CPAMD8: variants seen among roughly 807,000 people sequenced by gnomAD.
CPAMD8 encodes C3 and PZP-like alpha-2-macroglobulin domain-containing protein 8.
CPAMD8 carries 146 observed loss-of-function variants against 224.7 expected under a neutral mutation model. That is an observed-to-expected ratio of 0.65 (90% CI 0.57 to 0.75). The LOEUF (loss-of-function observed/expected upper bound fraction) is 0.75. CPAMD8 is among the 30% of genes least tolerant of loss of function. The pLI is 0.00. For missense variants in CPAMD8, 2,301 were observed against 2,537.5 expected, an observed-to-expected ratio of 0.91 and a Z score of 2.00; for synonymous variants, 966 against 1,044.6, an observed-to-expected ratio of 0.92 and a Z score of 1.45.
At chr19:16,916,000 CCT>C (rs370440791) in intron 27 of CPAMD8, among the ~76,000 whole-genome samples, 36 of 146,476 alleles carry the variant, frequency 2.5e-4, no homozygotes, top group Non-Finnish European at 2.9e-4. Flanking sequence ...TCCCTCCCTT[CCT>C]CTCTCTCTCT....
At chr19:16,967,632 C>G (rs2054873416) in intron 18 of CPAMD8, among the ~76,000 whole-genome samples, 1 of 151,618 alleles carries the variant, frequency 6.6e-6, no homozygotes, top group Non-Finnish European at 1.5e-5. Flanking sequence ...TGGTGAAACC[C>G]CGTCTCTACT....
intron 10 of CPAMD8, among the ~76,000 whole-genome samples, chr19:16,999,090 T>G (rs1168523231): frequency 6.6e-6 from 1 of 152,114 alleles, no homozygotes; most frequent in East Asian, 1.9e-4. Flanking sequence ...AAAGGACATA[T>G]AGCATATGAT....
rs1568447001 is a variant in CPAMD8, at chr19:16,897,983, C to T, written c.4860G>A (p.Arg1620=). 6.2e-7 allele frequency: 1 copy of T among 1,610,290 alleles called. No homozygotes were observed. ...VLFYFDEIPS[R]CLTCVRFRAL... ...CACGGAACCGCACGCACGTCAGGCA[C>T]CGGCTGGGGATCTGTGGGGCAGCGG... The change falls in exon 38 of 42, where the codon CGG becomes CGA. Residue 1620 remains arginine (R), a synonymous_variant. Coordinates refer to ENST00000443236, the MANE Select transcript of CPAMD8 (RefSeq NM_015692.5).
intron 1 of CPAMD8, among the ~76,000 whole-genome samples, chr19:17,024,833 T>TA (rs1233158368): frequency 6.6e-6 from 1 of 152,210 alleles, no homozygotes; most frequent in Non-Finnish European, 1.5e-5. Flanking sequence ...GAATTGCTCT[T>TA]ACAACTGCAA....
In CPAMD8 at chr19:17,008,488, C is replaced by G. The variant is rs1174069385; in HGVS notation, c.559+17G>C. ...TATCACATCTGCAGCCCCCAAGCCG[C>G]AGAGGAAGAAACTTACCGCAGCAGA... On this transcript the variant is annotated intron_variant, in intron 7 of 41. Transcript: ENST00000443236. 6.2e-7 allele frequency: 1 copy of G among 1,612,242 alleles called. No homozygotes were observed. The highest frequency in any genetic ancestry group is 8.5e-7 in the Non-Finnish European group (1 of 1,179,958).
Position 16,896,267 on chromosome 19 carries a change from G to C in CPAMD8, c.5335C>G (p.Pro1779Ala). The C allele has an allele frequency of 2.5e-6, 4 of 1,613,448 alleles. No homozygotes were observed. Among genetic ancestry groups the C allele is most frequent in the Non-Finnish European group, 3.4e-6 (4 of 1,179,986 alleles). Residue 1779 changes from proline to alanine, a missense_variant, in exon 41 of 42, where the codon CCG becomes GCG. Physicochemically the swap from Pro to Ala is conservative, Grantham distance 27. Around this residue, in one of 4 missense-constraint regions of CPAMD8, gnomAD observed 1,709 missense variants for 1,753.2 expected, o/e 0.97. Coordinates refer to ENST00000443236, the MANE Select transcript of CPAMD8 (RefSeq NM_015692.5). ...TYGDDLASVA[P>A]GPLQQDVKLN... ...TTCACGTCCTGCTGTAAAGGCCCCG[G>C]GGCCACAGAAGCCAGGTCATCCCCG...
chr19:16,921,562 T>C (rs2053175436), intron 27 of CPAMD8, among the ~76,000 whole-genome samples: 1 of 152,034 alleles, frequency 6.6e-6, no homozygotes. Flanking sequence ...TGCCCTGCCA[T>C]CTCCTCCTGC....
intron 7 of CPAMD8, among the ~76,000 whole-genome samples, chr19:17,007,360 A>AAAAGGAGAAGGAGGAAGAAGAAG (rs2056520434): frequency 6.6e-6 from 1 of 151,824 alleles, no homozygotes; most frequent in Non-Finnish European, 1.5e-5. Flanking sequence ...GAAGAAAAGA[A>AAAAGGAGAAGGAGGAAGAAGAAG]AAAGGAGAAG....
At chr19:16,975,979 C>T in intron 16 of CPAMD8, 23 bp downstream of exon 16, 1 of 1,545,944 alleles carries the variant, frequency 6.5e-7, no homozygotes, top group South Asian at 1.2e-5. Flanking sequence ...GGTCTAGAAC[C>T]CAAGCCCGAG....
chr19:17,026,294 C>CA (rs573330494), intron 1 of CPAMD8, among the ~76,000 whole-genome samples: 192 of 152,344 alleles, frequency 1.3e-3, no homozygotes, highest in Non-Finnish European at 2.3e-3. Flanking sequence ...CAGCCCGGGT[C>CA]ACACGAAGGG....
At chr19:16,962,307 G>A (rs534454644) in intron 18 of CPAMD8, among the ~76,000 whole-genome samples, 4 of 152,272 alleles carry the variant, frequency 2.6e-5, no homozygotes, top group East Asian at 3.9e-4. Flanking sequence ...AAGGTTAGAC[G>A]AATGGCTAAC....
chr19:16,974,284 T>C (rs2055176102), intron 17 of CPAMD8, among the ~76,000 whole-genome samples: 1 of 151,888 alleles, frequency 6.6e-6, no homozygotes, highest in Non-Finnish European at 1.5e-5. Context: ...GGCGCCCCCT[T>C]AGCCCTTTTT....
At chr19:16,929,909 T>C (rs2053495584) in intron 23 of CPAMD8, among the ~76,000 whole-genome samples, 1 of 152,060 alleles carries the variant, frequency 6.6e-6, no homozygotes, top group South Asian at 2.1e-4. Context: ...CCAGTCAAAA[T>C]CCCAGGAGGC....
At chr19:16,962,705 T>A (rs2054697268) in intron 18 of CPAMD8, among the ~76,000 whole-genome samples, 1 of 152,048 alleles carries the variant, frequency 6.6e-6, no homozygotes, top group South Asian at 2.1e-4. Flanking sequence ...CACAAAGATA[T>A]TCCTCAGGAA....
intron 3 of CPAMD8, among the ~76,000 whole-genome samples, chr19:17,016,917 T>G (rs1273883574): frequency 6.6e-6 from 1 of 151,330 alleles, no homozygotes; most frequent in Non-Finnish European, 1.5e-5. Flanking sequence ...TTCCTTATGC[T>G]TCTGTAGGCA....
In CPAMD8 at chr19:16,938,438, T is replaced by C; in HGVS notation, c.2802A>G (p.Gly934=). Residue 934 remains glycine (G), a synonymous_variant, in exon 23 of 42, where the codon GGA becomes GGG. Coordinates refer to ENST00000443236, the MANE Select transcript of CPAMD8 (RefSeq NM_015692.5). ...CGCTGTAGGTGTACGCCCGGGGGAC[T>C]CCTTCCGCCTGAAACAAAGAAACAA... ...VRRSVMVEAE[G]VPRAYTYSAF... 1 of 1,576,342 alleles carries C rather than the reference T, an allele frequency of 6.3e-7. No homozygotes were observed. The highest frequency in any genetic ancestry group is 8.6e-7 in the Non-Finnish European group (1 of 1,161,802).
intron 13 of CPAMD8, among the ~76,000 whole-genome samples, chr19:16,981,720 AAT>A (rs2055522167): frequency 6.6e-6 from 1 of 152,182 alleles, no homozygotes; most frequent in Non-Finnish European, 1.5e-5. Flanking sequence ...CATGTTTTGC[AAT>A]CTGTGACTGT....
intron 29 of CPAMD8, among the ~76,000 whole-genome samples, chr19:16,907,966 C>T (rs905351872): frequency 3.9e-5 from 6 of 152,124 alleles, no homozygotes; most frequent in Admixed American, 1.3e-4. Context: ...GCCAGGATGC[C>T]CAAGTGCATG....
At chr19:16,962,272 G>A (rs1488263551) in intron 18 of CPAMD8, among the ~76,000 whole-genome samples, 1 of 152,132 alleles carries the variant, frequency 6.6e-6, no homozygotes, top group East Asian at 1.9e-4. Context: ...CAAACCCATC[G>A]CAAGGAAGCT....
Sources: allele counts gnomAD v4.1 joint callset (sites outside exome capture counted in the v4.1 genomes callset), GRCh38; gene constraint gnomAD v4.1.1; regional missense constraint gnomAD v4.1.1; transcripts MANE v1.5; gene names NCBI Gene and HGNC (gene_info 2026-07-23, HGNC 2026-07-21).